Variants in GRM1 observed in about 807,000 individuals in gnomAD.
GRM1 encodes the protein glutamate metabotropic receptor 1.
Under a neutral mutation model 90.9 loss-of-function variants are expected in GRM1, and 33 were observed. That is an observed-to-expected ratio of 0.36 (90% CI 0.28 to 0.49). The LOEUF (loss-of-function observed/expected upper bound fraction) is 0.49, where lower values mean the gene tolerates loss of function less well. GRM1 is among the 20% of genes least tolerant of loss of function. GRM1 has a pLI of 0.99. For missense variants in GRM1, 1,190 were observed against 1,534.3 expected (o/e 0.78, Z 3.75); for synonymous variants, 700 against 613.2 (o/e 1.14, Z -2.09).
chr6:146,145,902 T>C (rs548301397), intron 1 of GRM1, among the ~76,000 whole-genome samples: 2 of 152,096 alleles, frequency 1.3e-5, no homozygotes, highest in East Asian at 3.9e-4. Context: ...AGGGCTGTCC[T>C]AGGTCTTGGG....
At chr6:146,241,564 C>T (rs1226749580) in intron 2 of GRM1, among the ~76,000 whole-genome samples, 1 of 152,142 alleles carries the variant, frequency 6.6e-6, no homozygotes, top group Middle Eastern at 3.2e-3. Context: ...AGCAGTCCCT[C>T]TTGGCTCCAC....
At chr6:146,086,751 C>A (rs1335847180) in intron 1 of GRM1, among the ~76,000 whole-genome samples, 2 of 152,014 alleles carry the variant, frequency 1.3e-5, no homozygotes, top group African/African-American at 4.8e-5. Context: ...TGCAGATATG[C>A]AGTGGATCAG....
chr6:146,175,391 A>G (rs1478701506), intron 2 of GRM1, among the ~76,000 whole-genome samples: 7 of 152,190 alleles, frequency 4.6e-5, no homozygotes, highest in Non-Finnish European at 1.0e-4. Flanking sequence ...CGAGACTTAT[A>G]ATAGATTCTT....
In GRM1 at chr6:146,029,086, G is replaced by A. The variant is rs566418188; in HGVS notation, c.-432G>A. On this transcript the variant is annotated 5_prime_UTR_variant, in exon 1 of 8. Coordinates refer to ENST00000282753, the MANE Select transcript of GRM1 (RefSeq NM_001278064.2). ...CAAGCTGTTCCTGCAGCCGATATCA[G>A]GATGTGCCGAAATGAAACGGACAAG... The A allele has an allele frequency of 1.5e-5, 4 of 275,084 alleles. 1 individual carries two copies. The South Asian group carries it at 1.6e-4, about 11-fold the overall frequency. The allele number at this position is 275,084 out of a possible 1,614,324, so 17.0% of individuals were successfully genotyped here.
chr6:146,273,669 A>G (rs2114832389), intron 2 of GRM1, among the ~76,000 whole-genome samples: 1 of 152,340 alleles, frequency 6.6e-6, no homozygotes, highest in Non-Finnish European at 1.5e-5. Context: ...ATTTCCCATG[A>G]TGAAGACTTA....
At chr6:146,405,000 A>C (rs1420369654) in intron 7 of GRM1, among the ~76,000 whole-genome samples, 2 of 152,220 alleles carry the variant, frequency 1.3e-5, no homozygotes, top group African/African-American at 4.8e-5. Context: ...TTGAAATACC[A>C]GTTATGCGAG....
At chr6:146,220,937 G>A (rs918302224) in intron 2 of GRM1, among the ~76,000 whole-genome samples, 6 of 152,032 alleles carry the variant, frequency 3.9e-5, no homozygotes, top group African/African-American at 1.2e-4. Context: ...TGCATAGGGT[G>A]GGTGACAAGA....
intron 1 of GRM1, among the ~76,000 whole-genome samples, chr6:146,113,912 T>G (rs1775651231): frequency 6.6e-6 from 1 of 152,132 alleles, no homozygotes; most frequent in African/African-American, 2.4e-5. Context: ...GCTTAATTCT[T>G]TGCACACTGA....
At chr6:146,343,940 G>A (rs1785077769) in intron 3 of GRM1, among the ~76,000 whole-genome samples, 1 of 152,146 alleles carries the variant, frequency 6.6e-6, no homozygotes, top group Admixed American at 6.5e-5. Context: ...TGGGCATTGG[G>A]TGTGCTTACT....
chr6:146,202,499 T>C (rs888422168), intron 2 of GRM1, among the ~76,000 whole-genome samples: 3 of 152,196 alleles, frequency 2.0e-5, no homozygotes, highest in African/African-American at 7.2e-5. Flanking sequence ...GCAGTGAACA[T>C]TGTGTTAACT....
Position 146,092,288 on chromosome 6 carries a change from C to T in GRM1, c.700+62071C>T, listed in dbSNP as rs1003210320. On this transcript the variant is annotated intron_variant, in intron 1 of 7. Coordinates refer to ENST00000282753, the MANE Select transcript of GRM1 (RefSeq NM_001278064.2). ...TCTCTTATTGTCAGGACACTAATTC[C>T]ATGAAAGGATTTGCCTACTGACACT... 9.9e-5 allele frequency among the ~76,000 whole-genome samples: 15 copies of T among 152,078 alleles called. No homozygotes were observed. In the South Asian group the frequency reaches 2.9e-3, roughly 29 times the overall value.
intron 2 of GRM1, among the ~76,000 whole-genome samples, chr6:146,297,986 C>T (rs1405805365): frequency 1.3e-5 from 2 of 152,102 alleles, no homozygotes; most frequent in African/African-American, 2.4e-5. Flanking sequence ...AAGAATTATT[C>T]TTGTTGCCTG....
chr6:146,113,416 G>T (rs779022865), intron 1 of GRM1, among the ~76,000 whole-genome samples: 1 of 152,208 alleles, frequency 6.6e-6, no homozygotes, highest in Non-Finnish European at 1.5e-5. Context: ...TTGGCATGCT[G>T]CAAGGATAGA....
At chr6:146,057,355 C>T (rs891186771) in intron 1 of GRM1, among the ~76,000 whole-genome samples, 27 of 152,078 alleles carry the variant, frequency 1.8e-4, no homozygotes, top group African/African-American at 6.3e-4. Flanking sequence ...CCCAGTGTAG[C>T]GGAATAACCT....
At chr6:146,394,216 A>C (rs1776845470) in intron 6 of GRM1, among the ~76,000 whole-genome samples, 1 of 152,060 alleles carries the variant, frequency 6.6e-6, no homozygotes, top group Non-Finnish European at 1.5e-5. Flanking sequence ...AAAGACCTTT[A>C]TATTATTTCT....
At chr6:146,371,149 G>T (rs1204042635) in intron 5 of GRM1, among the ~76,000 whole-genome samples, 1 of 151,906 alleles carries the variant, frequency 6.6e-6, no homozygotes, top group East Asian at 1.9e-4. Flanking sequence ...AAATAAACAT[G>T]GCCTCTTCTT....
At chr6:146,186,166 C>T (rs776184953) in intron 2 of GRM1, among the ~76,000 whole-genome samples, 13 of 147,166 alleles carry the variant, frequency 8.8e-5, no homozygotes, top group Admixed American at 6.9e-5. Flanking sequence ...TTAGTAGTGA[C>T]GGGGTTTCAC....
chr6:146,040,851 C>T (rs535283147), intron 1 of GRM1, among the ~76,000 whole-genome samples: 1 of 151,924 alleles, frequency 6.6e-6, no homozygotes, highest in African/African-American at 2.4e-5. Flanking sequence ...TGCCCTTTCT[C>T]AACTCCTTCT....
chr6:146,091,152 G>A (rs1211258244), intron 1 of GRM1, among the ~76,000 whole-genome samples: 1 of 152,052 alleles, frequency 6.6e-6, no homozygotes, highest in Non-Finnish European at 1.5e-5. Context: ...TGTGTGTCCT[G>A]AAGACTTTGC....
Sources: gnomAD v4.1 joint callset for allele counts (sites outside exome capture counted in the v4.1 genomes callset) on GRCh38, gnomAD v4.1.1 for gene constraint, MANE v1.5 for transcripts, NCBI Gene and HGNC (gene_info 2026-07-23, HGNC 2026-07-21) for gene names.